CACNA2D3: variants seen among roughly 807,000 people sequenced by gnomAD.
The protein encoded by CACNA2D3 is voltage-dependent calcium channel subunit alpha-2/delta-3.
A neutral mutation model predicts 160.6 loss-of-function variants in CACNA2D3; 60 were observed. That is an observed-to-expected ratio of 0.37 (90% confidence interval 0.30 to 0.46). The LOEUF is 0.46. Among genes scored for constraint, CACNA2D3 ranks in the 20% least tolerant of loss-of-function variants. The pLI is 1.00. For synonymous variants in CACNA2D3, 558 were observed against 492.9 expected (o/e 1.13, Z -1.75); for missense variants, 1,205 against 1,365.0 (o/e 0.88, Z 1.85).
chr3:54,543,054 C>G (rs1014354271), intron 5 of CACNA2D3, among the ~76,000 whole-genome samples: 4 of 152,170 alleles, frequency 2.6e-5, no homozygotes, highest in African/African-American at 9.6e-5. Flanking sequence ...CAGCCTTTTT[C>G]TCTTTACATT....
intron 10 of CACNA2D3, among the ~76,000 whole-genome samples, chr3:54,629,951 C>A (rs528933893): frequency 6.6e-6 from 1 of 152,138 alleles, no homozygotes; most frequent in Non-Finnish European, 1.5e-5. Context: ...AAGTCTGTGG[C>A]CCCTGGAGTA....
At chr3:54,502,934 C>T (rs1369413425) in intron 4 of CACNA2D3, among the ~76,000 whole-genome samples, 3 of 152,146 alleles carry the variant, frequency 2.0e-5, no homozygotes, top group Non-Finnish European at 4.4e-5. Context: ...TGTTCTTTCT[C>T]GGATGTTTCC....
At chr3:54,632,194 A>G (rs1699254647) in intron 10 of CACNA2D3, 1 of 152,272 alleles carries the variant, frequency 6.6e-6, no homozygotes. Flanking sequence ...AGCAGAGAAT[A>G]CCAGGGACTC....
chr3:54,136,774 T>A (rs1428398727), intron 2 of CACNA2D3, among the ~76,000 whole-genome samples: 1 of 152,230 alleles, frequency 6.6e-6, no homozygotes, highest in Non-Finnish European at 1.5e-5. Context: ...CCTGGGGAGC[T>A]TGTTAAGATG....
chr3:54,238,412 T>G (rs1049587712), intron 2 of CACNA2D3, among the ~76,000 whole-genome samples: 1 of 152,240 alleles, frequency 6.6e-6, no homozygotes, highest in African/African-American at 2.4e-5. Context: ...ACATCCAATT[T>G]GGCTCCTATA....
At chr3:54,313,070 G>C (rs73081614) in intron 2 of CACNA2D3, among the ~76,000 whole-genome samples, 12,686 of 152,230 alleles carry the variant, frequency 0.083, 758 homozygotes, top group South Asian at 0.13. Flanking sequence ...CTAGGATTTG[G>C]GGTGGTTCAT....
chr3:54,238,403 C>T lies in CACNA2D3; in HGVS notation c.205-82039C>T, dbSNP rs1701920647. Among the ~76,000 whole-genome samples, 4 of 152,336 alleles carry T rather than the reference C, an allele frequency of 2.6e-5. 1 individual carries two copies. Among genetic ancestry groups the T allele is most frequent in the Admixed American group, 6.5e-5 (1 of 15,302 alleles). ...TCACCTCAGTGATTGTGCAAAAAAA[C>T]ATCCAATTTGGCTCCTATAATTGCT... On this transcript the variant is annotated intron_variant, in intron 2 of 37. Coordinates refer to ENST00000474759, the MANE Select transcript of CACNA2D3 (RefSeq NM_018398.3).
At chr3:54,969,261 A>ATTTTTTTTTTTTTTTTTTTTTTTTT (rs139722160) in intron 28 of CACNA2D3, among the ~76,000 whole-genome samples, 2 of 127,796 alleles carry the variant, frequency 1.6e-5, no homozygotes, top group Admixed American at 9.2e-5. Context: ...CATAAAGTAG[A>ATTTTTTTTTTTTTTTTTTTTTTTTT]CTTTTTTTTT....
chr3:54,983,970 A>G lies in CACNA2D3; in HGVS notation c.2557-638A>G, dbSNP rs182112832. ...GTTTGGGCTTACCTTGCTTTCTACA[A>G]TTTATAAGTCTGAGCTACCAAAAGC... On this transcript the variant is annotated intron_variant, in intron 29 of 37. Coordinates refer to ENST00000474759, the MANE Select transcript of CACNA2D3 (RefSeq NM_018398.3). 5.3e-5 allele frequency among the ~76,000 whole-genome samples: 8 copies of G among 152,238 alleles called. No individual in the cohort carries two copies. In the East Asian group the frequency reaches 7.8e-4, roughly 15 times the overall value.
intron 2 of CACNA2D3, among the ~76,000 whole-genome samples, chr3:54,164,025 G>T (rs1483899699): frequency 6.6e-6 from 1 of 152,232 alleles, no homozygotes; most frequent in African/African-American, 2.4e-5. Flanking sequence ...GGTCAGGGAA[G>T]GAGATGGCCA....
intron 2 of CACNA2D3, among the ~76,000 whole-genome samples, chr3:54,304,056 T>C (rs1403590103): frequency 6.6e-6 from 1 of 152,162 alleles, no homozygotes; most frequent in Non-Finnish European, 1.5e-5. Flanking sequence ...TTGACATGTT[T>C]GGTCAGATAA....
At chr3:54,453,918 G>T (rs1700352730) in intron 4 of CACNA2D3, among the ~76,000 whole-genome samples, 1 of 152,152 alleles carries the variant, frequency 6.6e-6, no homozygotes, top group Admixed American at 6.5e-5. Flanking sequence ...TTCTCTACTG[G>T]ATCCAGAGGT....
At chr3:54,462,580 A>C (rs1393414839) in intron 4 of CACNA2D3, among the ~76,000 whole-genome samples, 2 of 152,166 alleles carry the variant, frequency 1.3e-5, no homozygotes, top group East Asian at 3.9e-4. Context: ...CTGTTTTATC[A>C]GAGACTAGGA....
intron 12 of CACNA2D3, among the ~76,000 whole-genome samples, chr3:54,757,271 A>G (rs762854975): frequency 1.3e-5 from 2 of 152,272 alleles, no homozygotes; most frequent in Non-Finnish European, 1.5e-5. Context: ...CGTCAGGTCC[A>G]ATGGAAATGC....
In CACNA2D3 at chr3:54,506,090, G is replaced by A. The variant is rs567635965; in HGVS notation, c.544+2436G>A. ...TGTCTCAGCCAGGCAGTGAATCACTGCCCAAGGGCAGAGGAGAGGCAGGGA... is the reference window on the plus strand; with the variant it reads ...TGTCTCAGCCAGGCAGTGAATCACTACCCAAGGGCAGAGGAGAGGCAGGGA... On this transcript the variant is annotated intron_variant, in intron 5 of 37. Transcript: ENST00000474759. Among the ~76,000 whole-genome samples the A allele has an allele frequency of 9.8e-5, 15 of 152,294 alleles. No homozygotes were observed. In the East Asian group the frequency reaches 2.7e-3, roughly 27 times the overall value.
chr3:54,798,332 A>G (rs1316830737), intron 13 of CACNA2D3, among the ~76,000 whole-genome samples: 4 of 152,154 alleles, frequency 2.6e-5, no homozygotes, highest in Non-Finnish European at 5.9e-5. Flanking sequence ...TGGGAGATTG[A>G]GACCACCCTG....
intron 11 of CACNA2D3, among the ~76,000 whole-genome samples, chr3:54,694,341 G>A (rs141617429): frequency 6.6e-6 from 1 of 152,178 alleles, no homozygotes; most frequent in Admixed American, 6.5e-5. Context: ...CACACTCTAG[G>A]TGTGTGTAAA....
intron 13 of CACNA2D3, among the ~76,000 whole-genome samples, chr3:54,799,352 C>G (rs1702934342): frequency 6.6e-6 from 1 of 152,076 alleles, no homozygotes; most frequent in Non-Finnish European, 1.5e-5. Context: ...TTTGCTATGA[C>G]AAAAACTGTT....
At chr3:54,918,333 T>C (rs1700718063) in intron 27 of CACNA2D3, 1 of 76,670 alleles carries the variant, frequency 1.3e-5, no homozygotes. Context: ...TTTTTTTTTC[T>C]TTTTTTTTTT....
Sources: allele counts gnomAD v4.1 joint callset (sites outside exome capture counted in the v4.1 genomes callset), GRCh38; gene constraint gnomAD v4.1.1; transcripts MANE v1.5; gene names NCBI Gene and HGNC (gene_info 2026-07-23, HGNC 2026-07-21).